FYN: variants seen among roughly 807,000 people sequenced by gnomAD.
The protein encoded by FYN is FYN proto-oncogene, Src family tyrosine kinase.
FYN carries 10 observed loss-of-function variants against 70.2 expected under a neutral mutation model. That is an observed-to-expected ratio of 0.14 (90% CI 0.09 to 0.24). FYN has a LOEUF of 0.24. Among genes scored for constraint, FYN ranks in the 10% least tolerant of loss-of-function variants. The pLI is 1.00. For synonymous variants in FYN, 236 were observed against 248.6 expected, an observed-to-expected ratio of 0.95 and a Z score of 0.48; for missense variants, 319 against 673.1, an observed-to-expected ratio of 0.47 and a Z score of 5.82.
chr6:111,734,924 C>G (rs1801642875), intron 3 of FYN, among the ~76,000 whole-genome samples: 1 of 152,194 alleles, frequency 6.6e-6, no homozygotes, highest in Non-Finnish European at 1.5e-5. Flanking sequence ...CCTCTGTCCT[C>G]AGGGAGCTAA....
At chr6:111,707,037 T>C (rs1800123819) in intron 6 of FYN, among the ~76,000 whole-genome samples, 1 of 152,204 alleles carries the variant, frequency 6.6e-6, no homozygotes, top group Admixed American at 6.5e-5. Context: ...CTAATCCCTC[T>C]TGCACTACTT....
chr6:111,816,061 T>A (rs971447510), intron 2 of FYN, among the ~76,000 whole-genome samples: 1 of 152,182 alleles, frequency 6.6e-6, no homozygotes, highest in African/African-American at 2.4e-5. Flanking sequence ...CAGTATTTTT[T>A]AAAAATTTAA....
At chr6:111,799,294 AT>A (rs760333223) in intron 2 of FYN, among the ~76,000 whole-genome samples, 1 of 152,240 alleles carries the variant, frequency 6.6e-6, no homozygotes, top group Non-Finnish European at 1.5e-5. Context: ...GTGCAGATAT[AT>A]CCTGTCTCTC....
chr6:111,687,987 T>A (rs1359407986), intron 12 of FYN, among the ~76,000 whole-genome samples: 1 of 151,828 alleles, frequency 6.6e-6, no homozygotes, highest in Non-Finnish European at 1.5e-5. Context: ...GGGACTGAGG[T>A]GTATGTGGGA....
chr6:111,706,234 G>A (rs1280685749), intron 6 of FYN, among the ~76,000 whole-genome samples: 1 of 152,158 alleles, frequency 6.6e-6, no homozygotes, highest in East Asian at 1.9e-4. Flanking sequence ...AGCAGCAGGT[G>A]CCCCCAAAAC....
At chr6:111,779,353 G>A (rs1583436535) in intron 3 of FYN, among the ~76,000 whole-genome samples, 1 of 152,036 alleles carries the variant, frequency 6.6e-6, no homozygotes, top group East Asian at 1.9e-4. Flanking sequence ...CCCAGCAATT[G>A]GATCCCTGTG....
intron 13 of FYN, among the ~76,000 whole-genome samples, chr6:111,667,459 G>T (rs1179612649): frequency 3.3e-5 from 5 of 151,088 alleles, no homozygotes; most frequent in Non-Finnish European, 7.4e-5. Context: ...TTGCTATGTT[G>T]CCCAGGCTGA....
chr6:111,795,326 C>T (rs1441074557), intron 2 of FYN, among the ~76,000 whole-genome samples: 5 of 152,116 alleles, frequency 3.3e-5, no homozygotes, highest in Non-Finnish European at 1.5e-5. Context: ...CATGTAAGGA[C>T]AAAGAGAAAA....
At chr6:111,717,343 G>A (rs1800696831) in intron 4 of FYN, among the ~76,000 whole-genome samples, 1 of 152,088 alleles carries the variant, frequency 6.6e-6, no homozygotes, top group Admixed American at 6.6e-5. Context: ...AAGTTTTGTG[G>A]CAATTTGTTA....
Position 111,794,078 on chromosome 6 carries a change from G to A in FYN, c.-81-13443C>T, listed in dbSNP as rs117739414. Among the ~76,000 whole-genome samples the A allele has an allele frequency of 6.2e-3, 944 of 152,276 alleles. 6 individuals carry two copies. The highest frequency in any genetic ancestry group is 0.01 in the Middle Eastern group (3 of 294). ...CTGCCCCTACCTGGGAGAAGATCCC[G>A]GGGCAGGGCCCCTGCCACTGAGCTG... is the stretch of plus-strand genomic sequence containing the variant. On this transcript the variant is annotated intron_variant, in intron 2 of 13. Transcript: ENST00000354650.
At chr6:111,779,173 C>A (rs906348637) in intron 3 of FYN, among the ~76,000 whole-genome samples, 3 of 144,100 alleles carry the variant, frequency 2.1e-5, no homozygotes, top group Non-Finnish European at 4.5e-5. Context: ...GCCAGACAAC[C>A]CTTGAAGCCA....
intron 3 of FYN, among the ~76,000 whole-genome samples, chr6:111,750,794 C>T (rs1274347233): frequency 6.0e-5 from 9 of 149,070 alleles, no homozygotes; most frequent in Non-Finnish European, 1.0e-4. Flanking sequence ...AAAGGGCATG[C>T]GTTCCCGCCA....
At chr6:111,768,401 G>C (rs1803314698) in intron 3 of FYN, among the ~76,000 whole-genome samples, 1 of 152,222 alleles carries the variant, frequency 6.6e-6, no homozygotes, top group Admixed American at 6.5e-5. Context: ...GGTAGGGAAA[G>C]TCAAAACTTT....
chr6:111,823,575 G>A lies in FYN; in HGVS notation c.-82+23014C>T, dbSNP rs1772741677. ...ATGTTGCTGAGGGCCAAGATCTAAG[G>A]GATAAAAATCATCCCCTCTTACTTT... On this transcript the variant is annotated intron_variant, in intron 2 of 13. Coordinates refer to ENST00000354650, the MANE Select transcript of FYN (RefSeq NM_002037.5). Among the ~76,000 whole-genome samples, 5 of 152,188 alleles carry A rather than the reference G, an allele frequency of 3.3e-5. 1 individual carries two copies. The South Asian group carries it at 1.0e-3, about 32-fold the overall frequency.
At chr6:111,833,389 G>A (rs1240377004) in intron 2 of FYN, among the ~76,000 whole-genome samples, 1 of 152,196 alleles carries the variant, frequency 6.6e-6, no homozygotes, top group Non-Finnish European at 1.5e-5. Flanking sequence ...GTAGATATCT[G>A]TTTTAAAAGC....
chr6:111,857,959 C>T (rs1403643577), intron 1 of FYN, among the ~76,000 whole-genome samples: 1 of 152,134 alleles, frequency 6.6e-6, no homozygotes, highest in Non-Finnish European at 1.5e-5. Context: ...TGTAGCTGGT[C>T]AATACCTCAC....
intron 3 of FYN, among the ~76,000 whole-genome samples, chr6:111,769,809 T>G (rs1257833245): frequency 1.3e-5 from 2 of 152,176 alleles, no homozygotes; most frequent in Non-Finnish European, 2.9e-5. Context: ...GAAACTCTGC[T>G]GTGGAGAAGT....
At chr6:111,791,009 AT>A (rs113743323) in intron 2 of FYN, among the ~76,000 whole-genome samples, 8 of 152,080 alleles carry the variant, frequency 5.3e-5, no homozygotes, top group African/African-American at 1.4e-4. Flanking sequence ...TGAACCACCA[AT>A]TTTTTTTGTT....
intron 1 of FYN, among the ~76,000 whole-genome samples, chr6:111,864,529 T>C (rs7753287): frequency 0.34 from 52,208 of 151,788 alleles, 13,192 homozygotes; most frequent in African/African-American, 0.72. Context: ...ACCCAGCTGG[T>C]TCCCTCAGCC....
Sources: allele counts gnomAD v4.1 joint callset (sites outside exome capture counted in the v4.1 genomes callset), GRCh38; gene constraint gnomAD v4.1.1; transcripts MANE v1.5; gene names NCBI Gene and HGNC (gene_info 2026-07-23, HGNC 2026-07-21).